The following SPATS2L variants were observed in gnomAD, a reference collection of about 807,000 sequenced individuals.
The protein encoded by SPATS2L is spermatogenesis associated serine rich 2 like, also known as SPATS2-like protein.
A neutral mutation model predicts 59.6 loss-of-function variants in SPATS2L; 30 were observed. That is an observed-to-expected ratio of 0.50 (90% CI 0.38 to 0.68). The LOEUF (loss-of-function observed/expected upper bound fraction) is 0.68, where lower values mean the gene tolerates loss of function less well. Ranked by LOEUF, SPATS2L falls within the 30% of genes least tolerant of loss-of-function variation. The probability of loss-of-function intolerance (pLI) is 0.00; values close to 1 mark genes in which losing one functional copy is unlikely to be tolerated. For missense variants in SPATS2L, 615 were observed against 700.0 expected (o/e 0.88, Z 1.37); for synonymous variants, 252 against 263.5 (o/e 0.96, Z 0.42).
At chr2:200,334,604 T>A (rs2080075794) in intron 2 of SPATS2L, among the ~76,000 whole-genome samples, 1 of 151,890 alleles carries the variant, frequency 6.6e-6, no homozygotes, top group African/African-American at 2.4e-5. Flanking sequence ...ATGTCCTGAA[T>A]GGTATTGCCT....
chr2:200,468,347 T>TACACACACACAC (rs141831238), intron 10 of SPATS2L, among the ~76,000 whole-genome samples: 4,080 of 110,080 alleles, frequency 0.037, 185 homozygotes, highest in African/African-American at 0.047. Context: ...CCCAGTATAC[T>TACACACACACAC]ACACACACAC....
At chr2:200,346,867 T>A (rs554555428) in intron 2 of SPATS2L, among the ~76,000 whole-genome samples, 1 of 152,298 alleles carries the variant, frequency 6.6e-6, no homozygotes, top group African/African-American at 2.4e-5. Flanking sequence ...AAGAAGAAAT[T>A]AGGATTTTTA....
At chr2:200,368,023 T>C (rs1349933677) in intron 2 of SPATS2L, among the ~76,000 whole-genome samples, 1 of 152,202 alleles carries the variant, frequency 6.6e-6, no homozygotes, top group Non-Finnish European at 1.5e-5. Context: ...TTTTAACTAA[T>C]CTGCCCTAAG....
chr2:200,430,121 T>C (rs2083820378), intron 6 of SPATS2L, among the ~76,000 whole-genome samples: 1 of 152,176 alleles, frequency 6.6e-6, no homozygotes, highest in Non-Finnish European at 1.5e-5. Context: ...TTTACACACC[T>C]TCCTATTAAA....
At chr2:200,464,879 A>G (rs1411445221) in intron 9 of SPATS2L, among the ~76,000 whole-genome samples, 1 of 152,232 alleles carries the variant, frequency 6.6e-6, no homozygotes, top group Non-Finnish European at 1.5e-5. Context: ...AGTCCCATCC[A>G]TATATTGAAT....
chr2:200,458,228 T>A (rs1406610441), intron 8 of SPATS2L, among the ~76,000 whole-genome samples: 3 of 152,322 alleles, frequency 2.0e-5, no homozygotes, highest in East Asian at 3.9e-4. Flanking sequence ...TTATAGAATG[T>A]GAATATCTCA....
At chr2:200,456,025 G>A (rs1335729523) in intron 8 of SPATS2L, among the ~76,000 whole-genome samples, 1 of 152,190 alleles carries the variant, frequency 6.6e-6, no homozygotes, top group Non-Finnish European at 1.5e-5. Flanking sequence ...GCCTGCCAAA[G>A]GACAGGCTGG....
intron 3 of SPATS2L, among the ~76,000 whole-genome samples, chr2:200,393,872 G>A (rs948913395): frequency 1.3e-5 from 2 of 152,216 alleles, no homozygotes; most frequent in South Asian, 2.1e-4. Flanking sequence ...GTATCTAGTC[G>A]AGCACTGTGG....
chr2:200,469,710 A>T, intron 10 of SPATS2L: 1 of 514,792 alleles, frequency 1.9e-6, no homozygotes, highest in South Asian at 3.1e-5. Context: ...GGCCCCTCAC[A>T]TATTCCCCAG....
Position 200,306,966 on chromosome 2 carries a change from G to A in SPATS2L, c.-73+44G>A, listed in dbSNP as rs1375127019. On this transcript the variant is annotated intron_variant, in intron 1 of 12. Transcript: ENST00000409140. The stretch of plus-strand genomic sequence containing the variant: ...CCACGCCGGGCCGGCTGGGGATGCA[G>A]GGCGCGGGCGGACGCGGAGGGGCCT... The A allele has an allele frequency of 1.6e-5, 16 of 983,104 alleles. No individual in the cohort carries two copies. In the Middle Eastern group the frequency reaches 3.1e-3, roughly 190 times the overall value. The allele number at this position is 983,104 out of a possible 1,614,324, so 60.9% of individuals were successfully genotyped here. A position where few individuals can be genotyped will look rare whatever the true frequency, so the allele number is the denominator to read the frequency against.
At chr2:200,340,636 C>T (rs1159621201) in intron 2 of SPATS2L, among the ~76,000 whole-genome samples, 1 of 152,052 alleles carries the variant, frequency 6.6e-6, no homozygotes, top group Non-Finnish European at 1.5e-5. Flanking sequence ...TCAGAGTGGT[C>T]CTCCAGAGAA....
intron 6 of SPATS2L, 80 bp downstream of exon 6, chr2:200,419,576 A>T: frequency 6.6e-7 from 1 of 1,505,860 alleles, no homozygotes; most frequent in South Asian, 1.3e-5. Flanking sequence ...GCTGCTGTTG[A>T]TGTTGTTGAA....
intron 2 of SPATS2L, among the ~76,000 whole-genome samples, chr2:200,374,714 C>T (rs1208968273): frequency 1.3e-5 from 2 of 152,134 alleles, no homozygotes; most frequent in Non-Finnish European, 2.9e-5. Flanking sequence ...CTCTACGAAT[C>T]GGCCAAGAAT....
At chr2:200,337,545 G>C (rs998440488) in intron 2 of SPATS2L, among the ~76,000 whole-genome samples, 1 of 152,148 alleles carries the variant, frequency 6.6e-6, no homozygotes, top group Non-Finnish European at 1.5e-5. Context: ...TTCTTTCAAA[G>C]GGGTACCTGG....
intron 1 of SPATS2L, among the ~76,000 whole-genome samples, chr2:200,314,403 T>C (rs1266039057): frequency 6.6e-6 from 1 of 152,232 alleles, no homozygotes; most frequent in Admixed American, 6.5e-5. Flanking sequence ...TGAGGATTAT[T>C]GCAGTAGCCT....
chr2:200,453,375 C>G (rs2085601926), intron 8 of SPATS2L, among the ~76,000 whole-genome samples: 1 of 152,214 alleles, frequency 6.6e-6, no homozygotes, highest in Admixed American at 6.5e-5. Context: ...AGGGAAGCAT[C>G]TTTGTTGACA....
intron 6 of SPATS2L, among the ~76,000 whole-genome samples, chr2:200,435,270 T>G (rs998041487): frequency 6.6e-6 from 1 of 152,094 alleles, no homozygotes; most frequent in African/African-American, 2.4e-5. Flanking sequence ...AAATTGGGAT[T>G]TGGTAAGTGT....
chr2:200,328,882 C>T (rs764943591), intron 1 of SPATS2L, among the ~76,000 whole-genome samples: 13 of 152,226 alleles, frequency 8.5e-5, no homozygotes, highest in South Asian at 2.1e-4. Context: ...AGGATTATAA[C>T]AAGAACAATA....
chr2:200,306,783 C>T lies in SPATS2L; in HGVS notation c.-212C>T. 3.1e-6 allele frequency: 3 copies of T among 981,658 alleles called. No individual in the cohort carries two copies. Among genetic ancestry groups the T allele is most frequent in the Non-Finnish European group, 3.6e-6 (3 of 828,236 alleles). The allele number at this position is 981,658 out of a possible 1,614,324, so 60.8% of individuals were successfully genotyped here. On this transcript the variant is annotated 5_prime_UTR_variant, in exon 1 of 13. Transcript: ENST00000409140. The stretch of plus-strand genomic sequence containing the variant: ...GCAGCGCGGGGCGAGCTCCGGACGG[C>T]GCGCGGCCCAGGCAGCGGCTCCCGC...
Sources: allele counts gnomAD v4.1 joint callset (sites outside exome capture counted in the v4.1 genomes callset), GRCh38; gene constraint gnomAD v4.1.1; transcripts MANE v1.5; gene names NCBI Gene and HGNC (gene_info 2026-07-23, HGNC 2026-07-21).